The following LRP1B variants were observed in gnomAD, a reference collection of about 807,000 sequenced individuals.
LRP1B encodes low-density lipoprotein receptor-related protein 1B.
Under a neutral mutation model 556.6 loss-of-function variants are expected in LRP1B, and 217 were observed. The ratio of observed to expected loss-of-function variants is 0.39; its 90% CI spans 0.35 to 0.44. The LOEUF (loss-of-function observed/expected upper bound fraction) is 0.44, where lower values mean the gene tolerates loss of function less well. Among genes scored for constraint, LRP1B ranks in the 20% least tolerant of loss-of-function variants. LRP1B has a pLI of 1.00. For missense variants in LRP1B, 5,053 were observed against 5,620.8 expected (o/e 0.90, Z 3.23); for synonymous variants, 2,047 against 1,865.8 (o/e 1.10, Z -2.50).
At chr2:141,624,196 T>C (rs1688624101) in intron 2 of LRP1B, among the ~76,000 whole-genome samples, 2 of 151,996 alleles carry the variant, frequency 1.3e-5, no homozygotes. Flanking sequence ...GCTAGTAGGG[T>C]ACAAGTTGTT....
intron 37 of LRP1B, among the ~76,000 whole-genome samples, chr2:140,708,503 T>C (rs1686919553): frequency 7.2e-6 from 1 of 138,724 alleles, no homozygotes; most frequent in Non-Finnish European, 1.5e-5. Context: ...TATTTATATA[T>C]ATGTATATAT....
intron 41 of LRP1B, among the ~76,000 whole-genome samples, chr2:140,619,184 C>A (rs552197): frequency 0.99 from 150,142 of 151,846 alleles, 74,252 homozygotes; most frequent in Middle Eastern, 1. Flanking sequence ...ATTTTCTGCC[C>A]CCTTTCCAGT....
At chr2:141,254,988 A>AT (rs1684408380) in intron 3 of LRP1B, among the ~76,000 whole-genome samples, 1 of 151,990 alleles carries the variant, frequency 6.6e-6, no homozygotes, top group Non-Finnish European at 1.5e-5. Context: ...ACATCAATTG[A>AT]TTTTCTAGCT....
At chr2:141,162,336 C>A (rs902369326) in intron 7 of LRP1B, among the ~76,000 whole-genome samples, 4 of 152,072 alleles carry the variant, frequency 2.6e-5, no homozygotes, top group Non-Finnish European at 4.4e-5. Flanking sequence ...GGAGGGGTAA[C>A]ATTACCCTGG....
intron 3 of LRP1B, among the ~76,000 whole-genome samples, chr2:141,358,308 A>C (rs1279923760): frequency 6.6e-6 from 1 of 152,222 alleles, no homozygotes; most frequent in Non-Finnish European, 1.5e-5. Flanking sequence ...CCTGAAGGTT[A>C]GGCAGATAAA....
At chr2:140,892,881 G>A (rs1693840320) in intron 23 of LRP1B, among the ~76,000 whole-genome samples, 1 of 152,118 alleles carries the variant, frequency 6.6e-6, no homozygotes, top group Non-Finnish European at 1.5e-5. Flanking sequence ...ACTAAAAAAG[G>A]TAAATGACAG....
intron 84 of LRP1B, among the ~76,000 whole-genome samples, chr2:140,295,121 G>A (rs1025138506): frequency 5.9e-5 from 9 of 151,732 alleles, no homozygotes; most frequent in Non-Finnish European, 1.2e-4. Flanking sequence ...CTCGTGATCC[G>A]CGGGCCTCAG....
At chr2:140,807,266 G>A (rs1221301034) in intron 32 of LRP1B, among the ~76,000 whole-genome samples, 5 of 152,118 alleles carry the variant, frequency 3.3e-5, no homozygotes, top group South Asian at 2.1e-4. Flanking sequence ...AGCACAAATC[G>A]TTTAAAATAA....
chr2:141,245,143 T>C (rs1684020295), intron 5 of LRP1B, among the ~76,000 whole-genome samples: 1 of 152,204 alleles, frequency 6.6e-6, no homozygotes, highest in African/African-American at 2.4e-5. Context: ...TCCACTTCTA[T>C]AGTTCATCAA....
At chr2:141,124,415 T>C (rs181440541) in intron 7 of LRP1B, among the ~76,000 whole-genome samples, 21 of 152,310 alleles carry the variant, frequency 1.4e-4, no homozygotes, top group African/African-American at 5.0e-4. Flanking sequence ...TGCTCTTTCA[T>C]TTTTGGTACA....
intron 84 of LRP1B, among the ~76,000 whole-genome samples, chr2:140,284,200 C>A (rs989121564): frequency 2.6e-5 from 4 of 151,514 alleles, no homozygotes; most frequent in Non-Finnish European, 4.4e-5. Context: ...ATTTTACATG[C>A]CTCCAGAGTG....
chr2:142,119,412 C>A (rs1707378058), intron 1 of LRP1B, among the ~76,000 whole-genome samples: 2 of 152,092 alleles, frequency 1.3e-5, no homozygotes, highest in Admixed American at 1.3e-4. Context: ...CTCTTCATAA[C>A]CTAAAAACAA....
At chr2:142,118,010 A>G (rs955787881) in intron 1 of LRP1B, among the ~76,000 whole-genome samples, 5 of 152,162 alleles carry the variant, frequency 3.3e-5, no homozygotes, top group Non-Finnish European at 7.3e-5. Flanking sequence ...TGAGTCTAGG[A>G]ATCTCAGAAG....
chr2:141,649,698 T>C (rs1689713436), intron 2 of LRP1B, among the ~76,000 whole-genome samples: 1 of 152,200 alleles, frequency 6.6e-6, no homozygotes, highest in Non-Finnish European at 1.5e-5. Flanking sequence ...ATTAATTTTG[T>C]TTACATTTTA....
At chr2:141,044,876 T>C (rs966386253) in intron 11 of LRP1B, among the ~76,000 whole-genome samples, 3 of 151,648 alleles carry the variant, frequency 2.0e-5, no homozygotes, top group Non-Finnish European at 2.9e-5. Context: ...TCCTCAGTGA[T>C]CTGGAACTGG....
chr2:141,066,244 T>C (rs994246052), intron 7 of LRP1B, among the ~76,000 whole-genome samples: 8 of 152,050 alleles, frequency 5.3e-5, no homozygotes, highest in Admixed American at 4.6e-4. Context: ...TTTTATTGTT[T>C]TGACATCATT....
At chr2:141,351,156 A>G (rs11893168) in intron 3 of LRP1B, among the ~76,000 whole-genome samples, 5,808 of 152,102 alleles carry the variant, frequency 0.038, 155 homozygotes, top group South Asian at 0.062. Flanking sequence ...CATGATGGAT[A>G]TAAGCACTGG....
chr2:141,380,723 C>T (rs1039881909), intron 3 of LRP1B, among the ~76,000 whole-genome samples: 3 of 152,200 alleles, frequency 2.0e-5, no homozygotes, highest in African/African-American at 4.8e-5. Context: ...GCTTTTTCCC[C>T]GAGGAGAGAA....
At chr2:141,618,872 G>C (rs1688404584) in intron 2 of LRP1B, among the ~76,000 whole-genome samples, 1 of 152,196 alleles carries the variant, frequency 6.6e-6, no homozygotes, top group African/African-American at 2.4e-5. Flanking sequence ...TTGACCATCA[G>C]TTATTTTTTC....
Sources: allele counts gnomAD v4.1 joint callset (sites outside exome capture counted in the v4.1 genomes callset), GRCh38; gene constraint gnomAD v4.1.1; transcripts MANE v1.5; gene names NCBI Gene and HGNC (gene_info 2026-07-23, HGNC 2026-07-21).